DLGAP4: variants seen among roughly 807,000 people sequenced by gnomAD.
DLGAP4 encodes the protein DLG associated protein 4.
A neutral mutation model predicts 86.9 loss-of-function variants in DLGAP4; 18 were observed. The ratio of observed to expected loss-of-function variants is 0.21; its 90% confidence interval spans 0.14 to 0.31. The LOEUF (loss-of-function observed/expected upper bound fraction) is 0.31. Among genes scored for constraint, DLGAP4 ranks in the 10% least tolerant of loss-of-function variants. DLGAP4 has a pLI of 1.00. For synonymous variants in DLGAP4, 548 were observed against 574.3 expected (o/e 0.95, Z 0.65); for missense variants, 1,085 against 1,362.6 (o/e 0.80, Z 3.21).
chr20:36,457,748 C>G (rs768152117), intron 7 of DLGAP4, among the ~76,000 whole-genome samples: 1 of 151,674 alleles, frequency 6.6e-6, no homozygotes, highest in East Asian at 1.9e-4. Context: ...ATCTCCTGAC[C>G]TCATGATCCG....
chr20:36,390,417 G>A (rs1343629315), intron 2 of DLGAP4, among the ~76,000 whole-genome samples: 1 of 152,128 alleles, frequency 6.6e-6, no homozygotes, highest in Non-Finnish European at 1.5e-5. Context: ...TCTGACCAAA[G>A]CTAGTTCCCC....
Position 36,500,148 on chromosome 20 carries a change from C to G in DLGAP4, c.2100-51C>G, listed in dbSNP as rs2036075019. The stretch of plus-strand genomic sequence containing the variant: ...AAGGCGGCCTCTGGTCTCTGGCCCT[C>G]TTGGTGACTCACTCCTTCCTGTCCC... On this transcript the variant is annotated intron_variant, in intron 9 of 12. Transcript: ENST00000339266. The surrounding 1 kb of genome is among the most constrained non-coding windows in gnomAD (Gnocchi z 4.6). The G allele has an allele frequency of 4.0e-6, 6 of 1,500,178 alleles. No individual in the cohort carries two copies. The highest frequency in any genetic ancestry group is 5.3e-6 in the Non-Finnish European group (6 of 1,123,070). 92.9% of individuals were successfully genotyped at this position (1,500,178 alleles called of 1,614,324 possible). A position where few individuals can be genotyped will look rare whatever the true frequency, so the allele number is the denominator to read the frequency against.
intron 7 of DLGAP4, among the ~76,000 whole-genome samples, chr20:36,463,700 G>C (rs914749014): frequency 1.3e-5 from 2 of 152,232 alleles, no homozygotes; most frequent in Non-Finnish European, 2.9e-5. Context: ...TGCTTGGACA[G>C]TGGCACTTGG....
chr20:36,453,510 A>T (rs1419514986), intron 7 of DLGAP4, among the ~76,000 whole-genome samples: 1 of 152,040 alleles, frequency 6.6e-6, no homozygotes, highest in African/African-American at 2.4e-5. Context: ...TTAGCTGTGC[A>T]TGGTGGTCAC....
intron 1 of DLGAP4, among the ~76,000 whole-genome samples, chr20:36,320,057 C>T (rs2147343628): frequency 6.6e-6 from 1 of 150,950 alleles, no homozygotes; most frequent in East Asian, 2.0e-4. Flanking sequence ...GTGTCCCTCT[C>T]CTCCAGGCCT....
intron 10 of DLGAP4, chr20:36,511,137 T>A (rs1348159172): frequency 6.6e-6 from 1 of 152,200 alleles, no homozygotes; most frequent in African/African-American, 2.4e-5. Context: ...TATTCAAGAA[T>A]CCTATTATAT....
intron 1 of DLGAP4, among the ~76,000 whole-genome samples, chr20:36,327,548 A>G (rs1031089570): frequency 1.3e-5 from 2 of 151,834 alleles, no homozygotes; most frequent in Non-Finnish European, 2.9e-5. Flanking sequence ...CCTGCATTCC[A>G]GGACATTCCT....
chr20:36,366,827 G>A (rs1025589544), intron 1 of DLGAP4, among the ~76,000 whole-genome samples: 3 of 152,176 alleles, frequency 2.0e-5, no homozygotes, highest in Non-Finnish European at 2.9e-5. Flanking sequence ...AAATATGCAT[G>A]ACATGCAAAT....
At position 36,431,594 on chromosome 20, in the gene DLGAP4, C is replaced by T; in HGVS notation, c.-72-52C>T. 2.6e-6 allele frequency: 3 copies of T among 1,149,272 alleles called. No individual in the cohort carries two copies. Among genetic ancestry groups the T allele is most frequent in the South Asian group, 3.2e-5 (2 of 62,440 alleles). The allele number at this position is 1,149,272 out of a possible 1,614,324, so 71.2% of individuals were successfully genotyped here. A position where few individuals can be genotyped will look rare whatever the true frequency, so the allele number is the denominator to read the frequency against. ...TCTGGATCTGACCTTCCCGGCACCC[C>T]TCCCCGACAATCCAGCTGACCAGCT... On this transcript the variant is annotated intron_variant, in intron 2 of 12. Transcript: ENST00000339266. The surrounding 1 kb of genome is among the most constrained non-coding windows in gnomAD (Gnocchi z 5.1).
chr20:36,504,102 CAT>C (rs564247258), intron 10 of DLGAP4, among the ~76,000 whole-genome samples: 76 of 152,232 alleles, frequency 5.0e-4, no homozygotes, highest in African/African-American at 1.2e-3. Flanking sequence ...ATATATATAA[CAT>C]AAAGTTTACC....
intron 1 of DLGAP4, among the ~76,000 whole-genome samples, chr20:36,363,282 G>A (rs782304675): frequency 7.2e-5 from 11 of 152,344 alleles, no homozygotes; most frequent in East Asian, 1.9e-4. Context: ...TGCCTGTGGC[G>A]TCTGCAGGGC....
At chr20:36,412,863 A>T (rs938121690) in intron 2 of DLGAP4, among the ~76,000 whole-genome samples, 9 of 152,282 alleles carry the variant, frequency 5.9e-5, no homozygotes, top group Admixed American at 2.0e-4. Context: ...TTTAAAACTG[A>T]GGTAGAATAC....
At chr20:36,461,724 CCCGTCTGTCCGT>C (rs1202419744) in intron 7 of DLGAP4, 4 of 892,948 alleles carry the variant, frequency 4.5e-6, no homozygotes, top group Non-Finnish European at 5.2e-6. Context: ...CCTCCTCCTC[CCCGTCTGTCCGT>C]CCGTCCGTCC....
chr20:36,471,856 G>A (rs916666287), intron 7 of DLGAP4, among the ~76,000 whole-genome samples: 1 of 152,124 alleles, frequency 6.6e-6, no homozygotes, highest in Non-Finnish European at 1.5e-5. Flanking sequence ...GCTGAGATAC[G>A]GTCAAGATCA....
At chr20:36,367,469 C>G (rs1014146836) in intron 2 of DLGAP4, among the ~76,000 whole-genome samples, 194 bp downstream of exon 2, 1 of 152,196 alleles carries the variant, frequency 6.6e-6, no homozygotes, top group Non-Finnish European at 1.5e-5. Flanking sequence ...CCAGGAGGTG[C>G]GTGTGGTGAT....
chr20:36,442,435 C>T (rs1359931100), intron 5 of DLGAP4, among the ~76,000 whole-genome samples: 2 of 152,172 alleles, frequency 1.3e-5, no homozygotes, highest in Non-Finnish European at 2.9e-5. Context: ...CTCAAGTGAT[C>T]CACCCGCCTC....
chr20:36,373,458 G>T (rs764770445), intron 2 of DLGAP4, among the ~76,000 whole-genome samples: 4 of 152,204 alleles, frequency 2.6e-5, no homozygotes, highest in Non-Finnish European at 5.9e-5. Flanking sequence ...TTTGTGGGAT[G>T]TGCCCACCCC....
intron 7 of DLGAP4, among the ~76,000 whole-genome samples, chr20:36,486,318 G>A (rs1304110899): frequency 4.6e-5 from 7 of 152,190 alleles, no homozygotes; most frequent in African/African-American, 1.7e-4. Context: ...GAAACAAGCA[G>A]AGTCCTTAAA....
At chr20:36,524,856 C>G (rs569747716) in intron 11 of DLGAP4, among the ~76,000 whole-genome samples, 1 of 151,392 alleles carries the variant, frequency 6.6e-6, no homozygotes, top group South Asian at 2.1e-4. Flanking sequence ...GAGCCGAGAT[C>G]GTGCCACTGC....
Sources: gnomAD v4.1 joint callset for allele counts (sites outside exome capture counted in the v4.1 genomes callset) on GRCh38, gnomAD v4.1.1 for gene constraint, Gnocchi (gnomAD v3.1) non-coding constraint, MANE v1.5 for transcripts, NCBI Gene and HGNC (gene_info 2026-07-23, HGNC 2026-07-21) for gene names.